The following EIPR1 variants were observed in gnomAD, a reference collection of about 807,000 sequenced individuals.
EIPR1 encodes the protein EARP complex and GARP complex interacting protein 1, also known as EARP and GARP complex-interacting protein 1.
A neutral mutation model predicts 48.1 loss-of-function variants in EIPR1; 25 were observed. The ratio of observed to expected loss-of-function variants is 0.52; its 90% CI spans 0.38 to 0.73. EIPR1 has a LOEUF of 0.73. Ranked by LOEUF, EIPR1 falls within the 30% of genes least tolerant of loss-of-function variation. The pLI is 0.00. For missense variants in EIPR1, 415 were observed against 506.2 expected (o/e 0.82, Z 1.73); for synonymous variants, 204 against 201.9 (o/e 1.01, Z -0.09).
At chr2:3,360,475 C>T (rs1347043590) in intron 1 of EIPR1, among the ~76,000 whole-genome samples, 1 of 151,876 alleles carries the variant, frequency 6.6e-6, no homozygotes, top group Non-Finnish European at 1.5e-5. Flanking sequence ...TTCTAGTCTG[C>T]CACCACCCTG....
At chr2:3,321,388 G>A (rs559699226) in intron 3 of EIPR1, among the ~76,000 whole-genome samples, 2 of 152,272 alleles carry the variant, frequency 1.3e-5, no homozygotes, top group African/African-American at 4.8e-5. Context: ...GCAGCAGAGC[G>A]TCCTCTGCCC....
At chr2:3,210,409 T>G (rs1291741241) in intron 5 of EIPR1, among the ~76,000 whole-genome samples, 1 of 151,910 alleles carries the variant, frequency 6.6e-6, no homozygotes, top group East Asian at 1.9e-4. Context: ...GGCTGGGGAG[T>G]GAGGCCTGTC....
At chr2:3,331,179 G>GTGTA (rs201158985) in intron 3 of EIPR1, among the ~76,000 whole-genome samples, 44 of 93,820 alleles carry the variant, frequency 4.7e-4, no homozygotes, top group African/African-American at 1.6e-3. Context: ...AGAGGCAGGT[G>GTGTA]TACACTCATA....
chr2:3,229,253 A>G (rs1366476817), intron 4 of EIPR1, among the ~76,000 whole-genome samples: 1 of 152,252 alleles, frequency 6.6e-6, no homozygotes, highest in Non-Finnish European at 1.5e-5. Flanking sequence ...CTCCTTGAAA[A>G]CAATAAGAGC....
intron 3 of EIPR1, among the ~76,000 whole-genome samples, chr2:3,332,617 T>A (rs774542325): frequency 2.6e-5 from 4 of 152,264 alleles, no homozygotes; most frequent in Non-Finnish European, 5.9e-5. Flanking sequence ...CTGTTCCAAG[T>A]ATGTACAGTC....
chr2:3,351,635 G>T (rs1055203392), intron 2 of EIPR1, among the ~76,000 whole-genome samples: 1 of 152,096 alleles, frequency 6.6e-6, no homozygotes, highest in Non-Finnish European at 1.5e-5. Context: ...TTCCTTTTCA[G>T]GTGGCCACTG....
intron 3 of EIPR1, among the ~76,000 whole-genome samples, chr2:3,276,681 A>T (rs1572387064): frequency 6.6e-6 from 1 of 152,240 alleles, no homozygotes; most frequent in East Asian, 1.9e-4. Flanking sequence ...GCTCTTCCGC[A>T]TCCCTAGAAT....
chr2:3,234,730 C>T (rs1396925533), intron 4 of EIPR1, among the ~76,000 whole-genome samples: 1 of 152,276 alleles, frequency 6.6e-6, no homozygotes, highest in Non-Finnish European at 1.5e-5. Flanking sequence ...CCCCACTCCG[C>T]GGAAGCCTCT....
intron 2 of EIPR1, among the ~76,000 whole-genome samples, chr2:3,347,554 AAACC>A (rs1162495717): frequency 6.6e-6 from 1 of 152,164 alleles, no homozygotes; most frequent in Non-Finnish European, 1.5e-5. Context: ...TGAGTCCATT[AAACC>A]TCTTTTTCTT....
At position 3,359,967 on chromosome 2, in the gene EIPR1, C is replaced by T. The variant is rs1211029947; in HGVS notation, c.43-5334G>A. On this transcript the variant is annotated intron_variant, in intron 1 of 8. Coordinates refer to ENST00000382125, the MANE Select transcript of EIPR1 (RefSeq NM_003310.5). ...GCTACCAAAGGGGAAAAAGAACCCA[C>T]ACTCCCAACGTTCAGCCCGGCTATG... Among the ~76,000 whole-genome samples, 5 of 152,308 alleles carry T rather than the reference C, an allele frequency of 3.3e-5. No homozygotes were observed. The East Asian group carries it at 9.6e-4, about 29-fold the overall frequency.
intron 2 of EIPR1, among the ~76,000 whole-genome samples, chr2:3,347,056 CTT>C (rs1204320253): frequency 6.6e-6 from 1 of 152,178 alleles, no homozygotes; most frequent in Admixed American, 6.6e-5. Context: ...CCCCCTCACT[CTT>C]TGCTCCCGCC....
intron 4 of EIPR1, among the ~76,000 whole-genome samples, chr2:3,237,021 C>T (rs1353642951): frequency 2.0e-5 from 3 of 152,118 alleles, no homozygotes; most frequent in Non-Finnish European, 4.4e-5. Context: ...GCTGTGATTT[C>T]CTACGGTGGC....
chr2:3,356,394 TAATA>T (rs1253377446), intron 1 of EIPR1, among the ~76,000 whole-genome samples: 1 of 152,180 alleles, frequency 6.6e-6, no homozygotes, highest in Admixed American at 6.5e-5. Context: ...TTAATATGTT[TAATA>T]ATTAGAAGAT....
intron 5 of EIPR1, among the ~76,000 whole-genome samples, chr2:3,200,806 G>A (rs1297615841): frequency 6.6e-6 from 1 of 152,166 alleles, no homozygotes; most frequent in Non-Finnish European, 1.5e-5. Flanking sequence ...AGGCAGAACA[G>A]TGGGGGCAGG....
At chr2:3,217,674 C>G (rs1284642186) in intron 4 of EIPR1, among the ~76,000 whole-genome samples, 1 of 152,150 alleles carries the variant, frequency 6.6e-6, no homozygotes, top group Non-Finnish European at 1.5e-5. Flanking sequence ...ATGGGCTCCA[C>G]AGAGAGAGGC....
intron 2 of EIPR1, among the ~76,000 whole-genome samples, chr2:3,342,480 G>A (rs547348287): frequency 7.2e-5 from 11 of 152,246 alleles, no homozygotes; most frequent in Non-Finnish European, 1.5e-4. Context: ...AGGCGCAGCC[G>A]GGGGCTTTCT....
chr2:3,208,794 G>T, intron 5 of EIPR1: 1 of 1,548,718 alleles, frequency 6.5e-7, no homozygotes, highest in Non-Finnish European at 8.7e-7. Flanking sequence ...GAGGCTCGTG[G>T]CAGGTCCTCC....
In EIPR1 at chr2:3,218,255, C is replaced by T. The variant is rs183451907; in HGVS notation, c.417-4007G>A. ...AACACGACCCTGATATGCTCTAGAG[C>T]GTTCACAGTGACCCAGGTGCACACC... On this transcript the variant is annotated intron_variant, in intron 4 of 8. Coordinates refer to ENST00000382125, the MANE Select transcript of EIPR1 (RefSeq NM_003310.5). Among the ~76,000 whole-genome samples, 22 of 147,242 alleles carry T rather than the reference C, an allele frequency of 1.5e-4. 2 individuals are homozygous for T. Among genetic ancestry groups the T allele is most frequent in the African/African-American group, 5.0e-4 (20 of 39,644 alleles).
chr2:3,316,599 G>A (rs114077376), intron 3 of EIPR1, among the ~76,000 whole-genome samples: 2 of 152,174 alleles, frequency 1.3e-5, no homozygotes, highest in Non-Finnish European at 2.9e-5. Flanking sequence ...CGTTCTATGA[G>A]ACCCATTCCT....
Sources: gnomAD v4.1 joint callset for allele counts (sites outside exome capture counted in the v4.1 genomes callset) on GRCh38, gnomAD v4.1.1 for gene constraint, MANE v1.5 for transcripts, NCBI Gene and HGNC (gene_info 2026-07-23, HGNC 2026-07-21) for gene names.